Variants in APBB2 observed in about 807,000 individuals in gnomAD.
APBB2 encodes the protein Fe65-like 1.
In APBB2, 38 loss-of-function variants were observed where a neutral mutation model predicts 82.5. The ratio of observed to expected loss-of-function variants is 0.46; its 90% CI spans 0.36 to 0.60. The LOEUF is 0.60. APBB2 is among the 20% of genes least tolerant of loss of function. The pLI is 0.00. For missense variants in APBB2, 772 were observed against 972.3 expected, an observed-to-expected ratio of 0.79 and a Z score of 2.74; for synonymous variants, 341 against 368.2, an observed-to-expected ratio of 0.93 and a Z score of 0.85.
chr4:40,859,105 T>A (rs1762139034), intron 12 of APBB2, among the ~76,000 whole-genome samples: 1 of 152,164 alleles, frequency 6.6e-6, no homozygotes, highest in Non-Finnish European at 1.5e-5. Context: ...AACAAATAGA[T>A]GGGTCTGCCA....
At chr4:40,885,244 C>A (rs1769876847) in intron 12 of APBB2, among the ~76,000 whole-genome samples, 1 of 152,160 alleles carries the variant, frequency 6.6e-6, no homozygotes, top group Non-Finnish European at 1.5e-5. Context: ...GCTCATGCAC[C>A]TAGAAAGTCA....
chr4:40,828,009 C>T (rs1202909329), intron 13 of APBB2, among the ~76,000 whole-genome samples: 5 of 152,172 alleles, frequency 3.3e-5, no homozygotes, highest in Non-Finnish European at 7.3e-5. Flanking sequence ...TCCCCTTTTG[C>T]TTGGCTCTGA....
rs550779374 is a variant in APBB2, at chr4:40,964,916, C to G, written c.836-19843G>C. 9.9e-5 allele frequency among the ~76,000 whole-genome samples: 15 copies of G among 152,112 alleles called. No individual in the cohort carries two copies. In the South Asian group the frequency reaches 2.3e-3, roughly 23 times the overall value. ...CGGGCAGATCACGAGGTCAGGAGAT[C>G]GAGACCATCCTGGCTAACACAGTGA... On this transcript the variant is annotated intron_variant, in intron 6 of 17. Coordinates refer to ENST00000508593, the MANE Select transcript of APBB2 (RefSeq NM_004307.2).
chr4:41,178,248 C>T (rs1361959315), intron 1 of APBB2, among the ~76,000 whole-genome samples: 1 of 152,092 alleles, frequency 6.6e-6, no homozygotes, highest in Non-Finnish European at 1.5e-5. Context: ...TTTTATTCTT[C>T]CAGACTCCAA....
At chr4:40,918,135 G>T (rs1232441397) in intron 10 of APBB2, among the ~76,000 whole-genome samples, 1 of 152,192 alleles carries the variant, frequency 6.6e-6, no homozygotes, top group Admixed American at 6.5e-5. Flanking sequence ...TTTACAATGT[G>T]ACGTATCCCA....
At chr4:41,074,803 GT>G (rs544459798) in intron 3 of APBB2, among the ~76,000 whole-genome samples, 8 of 151,946 alleles carry the variant, frequency 5.3e-5, no homozygotes, top group African/African-American at 1.9e-4. Flanking sequence ...TAGAGATGGG[GT>G]TTCACCATAT....
intron 10 of APBB2, among the ~76,000 whole-genome samples, chr4:40,931,539 C>G (rs1038797347): frequency 1.3e-5 from 2 of 152,186 alleles, no homozygotes; most frequent in African/African-American, 4.8e-5. Context: ...AGCCACTGTA[C>G]CAGCTTGCAA....
chr4:40,871,262 A>G (rs1457073550), intron 12 of APBB2, among the ~76,000 whole-genome samples: 1 of 152,204 alleles, frequency 6.6e-6, no homozygotes, highest in Non-Finnish European at 1.5e-5. Context: ...CTCCCGCCTC[A>G]GACTCCTGAG....
At chr4:40,823,422 A>C (rs1189180662) in intron 16 of APBB2, among the ~76,000 whole-genome samples, 1 of 152,236 alleles carries the variant, frequency 6.6e-6, no homozygotes, top group African/African-American at 2.4e-5. Flanking sequence ...TGAGGAAGAC[A>C]GAATCAGAAG....
intron 6 of APBB2, among the ~76,000 whole-genome samples, chr4:40,985,403 A>T (rs1357122677): frequency 6.6e-6 from 1 of 152,198 alleles, no homozygotes; most frequent in Non-Finnish European, 1.5e-5. Flanking sequence ...GGTCCATTTC[A>T]GCAGGATTAT....
chr4:40,842,105 T>C (rs915763863), intron 12 of APBB2, among the ~76,000 whole-genome samples: 1 of 152,204 alleles, frequency 6.6e-6, no homozygotes, highest in Admixed American at 6.5e-5. Context: ...AGTGACCACA[T>C]TGGTGTTAGA....
chr4:41,057,840 C>A (rs1728367582), intron 4 of APBB2, among the ~76,000 whole-genome samples: 1 of 152,144 alleles, frequency 6.6e-6, no homozygotes, highest in Non-Finnish European at 1.5e-5. Context: ...TTAAGCTTCC[C>A]AAGTCTGGCT....
intron 1 of APBB2, among the ~76,000 whole-genome samples, chr4:41,162,897 A>G (rs1765547596): frequency 6.6e-6 from 1 of 152,238 alleles, no homozygotes; most frequent in Admixed American, 6.5e-5. Context: ...GATTCAATTC[A>G]GCAAATATCC....
rs534665489 is a variant in APBB2, at chr4:41,064,256, GCGTGAGC to G, written c.-51+1313_-51+1319del. 1.7e-3 allele frequency among the ~76,000 whole-genome samples: 254 copies of G among 152,222 alleles called. 1 individual carries two copies. The highest frequency in any genetic ancestry group is 5.7e-3 in the African/African-American group (237 of 41,530). On this transcript the variant is annotated intron_variant, in intron 4 of 17. Coordinates refer to ENST00000508593, the MANE Select transcript of APBB2 (RefSeq NM_004307.2). ...TCCTCCCAAAGTGCTGGGATTACAGGCGTGAGCCACCACGCCTGGCCCCAAAATGCTG... is the reference window on the plus strand; with the variant it reads ...TCCTCCCAAAGTGCTGGGATTACAGGCACCACGCCTGGCCCCAAAATGCTG...
intron 1 of APBB2, among the ~76,000 whole-genome samples, chr4:41,143,950 C>T (rs1381612769): frequency 6.6e-6 from 1 of 152,202 alleles, no homozygotes; most frequent in African/African-American, 2.4e-5. Flanking sequence ...GGAATCAGGG[C>T]TTAAGGAAAA....
At chr4:41,019,214 C>G (rs1810815086) in intron 5 of APBB2, among the ~76,000 whole-genome samples, 1 of 152,078 alleles carries the variant, frequency 6.6e-6, no homozygotes, top group African/African-American at 2.4e-5. Flanking sequence ...AGATGAGATT[C>G]TTAGTTATGG....
chr4:40,875,504 A>T (rs1049021230), intron 12 of APBB2, among the ~76,000 whole-genome samples: 1 of 152,242 alleles, frequency 6.6e-6, no homozygotes, highest in African/African-American at 2.4e-5. Context: ...ATTTAAGCTA[A>T]TATGTCCAAA....
intron 10 of APBB2, among the ~76,000 whole-genome samples, chr4:40,930,491 ATGTGTGTGGT>A (rs1783958988): frequency 6.9e-6 from 1 of 145,030 alleles, no homozygotes; most frequent in Admixed American, 6.7e-5. Context: ...ATGCGTGTGT[ATGTGTGTGGT>A]GATTTTGTGT....
intron 12 of APBB2, among the ~76,000 whole-genome samples, chr4:40,873,831 C>G (rs1375271843): frequency 1.3e-5 from 2 of 152,106 alleles, no homozygotes; most frequent in Non-Finnish European, 2.9e-5. Flanking sequence ...AAAAAACCCG[C>G]AAAATACTCC....
Sources: allele counts gnomAD v4.1 joint callset (sites outside exome capture counted in the v4.1 genomes callset), GRCh38; gene constraint gnomAD v4.1.1; transcripts MANE v1.5; gene names NCBI Gene and HGNC (gene_info 2026-07-23, HGNC 2026-07-21).